Variants in DENND5B observed in about 807,000 individuals in gnomAD.
The protein encoded by DENND5B is DENN domain-containing protein 5B.
In DENND5B, 34 loss-of-function variants were observed where a neutral mutation model predicts 140.6. The ratio of observed to expected loss-of-function variants is 0.24; its 90% CI spans 0.18 to 0.32. The LOEUF (loss-of-function observed/expected upper bound fraction) is 0.32. DENND5B is among the 10% of genes least tolerant of loss of function. DENND5B has a pLI of 1.00. For missense variants in DENND5B, 1,142 were observed against 1,560.2 expected, an observed-to-expected ratio of 0.73 and a Z score of 4.52; for synonymous variants, 551 against 562.1, an observed-to-expected ratio of 0.98 and a Z score of 0.28.
chr12:31,446,634 C>A (rs1234013547), intron 6 of DENND5B, among the ~76,000 whole-genome samples: 1 of 152,122 alleles, frequency 6.6e-6, no homozygotes, highest in Non-Finnish European at 1.5e-5. Flanking sequence ...CAGTGGCTCA[C>A]GCCTGTAATC....
At chr12:31,477,114 G>C (rs1448037468) in intron 3 of DENND5B, among the ~76,000 whole-genome samples, 1 of 151,880 alleles carries the variant, frequency 6.6e-6, no homozygotes, top group Non-Finnish European at 1.5e-5. Context: ...CATAGTCCCA[G>C]CTACTCGGGA....
At chr12:31,460,403 G>C (rs975936832) in intron 3 of DENND5B, 22 bp from the exon 4 acceptor site, 66 of 1,597,200 alleles carry the variant, frequency 4.1e-5, no homozygotes, top group South Asian at 1.9e-4. Context: ...AAGGAAAAAG[G>C]AAAGGGAAGA....
intron 7 of DENND5B, 147 bp downstream of exon 7, chr12:31,442,628 C>T (rs1944087199): frequency 1.5e-6 from 1 of 667,584 alleles, no homozygotes; most frequent in Non-Finnish European, 2.2e-6. Flanking sequence ...ACAGAAGTGT[C>T]AATCCATATT....
intron 3 of DENND5B, among the ~76,000 whole-genome samples, chr12:31,467,156 A>C (rs1477899770): frequency 6.6e-6 from 1 of 152,118 alleles, no homozygotes; most frequent in Non-Finnish European, 1.5e-5. Flanking sequence ...GGAAAAAAAA[A>C]AAACTTTTAA....
intron 1 of DENND5B, 102 bp downstream of exon 1, chr12:31,590,604 G>C (rs1320397747): frequency 4.7e-6 from 6 of 1,284,166 alleles, no homozygotes. Flanking sequence ...GGCGCCACCG[G>C]GAGCTGACTT....
chr12:31,548,644 C>A (rs773506977), intron 1 of DENND5B, among the ~76,000 whole-genome samples: 1 of 152,154 alleles, frequency 6.6e-6, no homozygotes, highest in Non-Finnish European at 1.5e-5. Flanking sequence ...GAGAACCTGA[C>A]ATTTTCTCAA....
chr12:31,473,182 C>T (rs1166975591), intron 3 of DENND5B, among the ~76,000 whole-genome samples: 1 of 152,222 alleles, frequency 6.6e-6, no homozygotes, highest in African/African-American at 2.4e-5. Context: ...AAGTGATCCT[C>T]CTGCCTCAAC....
chr12:31,504,268 T>C (rs966748985), intron 1 of DENND5B, among the ~76,000 whole-genome samples: 1 of 152,204 alleles, frequency 6.6e-6, no homozygotes, highest in Admixed American at 6.5e-5. Flanking sequence ...TGGGCAGCTC[T>C]GGAAATACTG....
chr12:31,556,537 T>G (rs538830875), intron 1 of DENND5B, among the ~76,000 whole-genome samples: 13 of 152,310 alleles, frequency 8.5e-5, no homozygotes, highest in African/African-American at 2.6e-4. Flanking sequence ...GAGAACTTTA[T>G]GACATCTGGG....
At chr12:31,590,624 C>T in intron 1 of DENND5B, 82 bp downstream of exon 1, 1 of 1,360,798 alleles carries the variant, frequency 7.3e-7, no homozygotes, top group Non-Finnish European at 9.4e-7. Flanking sequence ...TTGTCTGGAG[C>T]CTGCACCCCG....
chr12:31,402,350 T>C, intron 15 of DENND5B, 148 bp downstream of exon 15: 2 of 989,690 alleles, frequency 2.0e-6, no homozygotes, highest in South Asian at 2.1e-5. Context: ...TTAAGACAAC[T>C]TTAGACATAT....
chr12:31,482,186 T>C (rs1006548551), intron 2 of DENND5B, among the ~76,000 whole-genome samples: 3 of 152,204 alleles, frequency 2.0e-5, no homozygotes, highest in African/African-American at 7.2e-5. Context: ...CATGTCATGA[T>C]TGTGCCACAT....
intron 8 of DENND5B, chr12:31,432,871 G>A (rs1047421773): frequency 1.2e-5 from 4 of 322,830 alleles, no homozygotes; most frequent in Non-Finnish European, 2.3e-5. Flanking sequence ...TTCTCCTATA[G>A]GAGACATAGT....
At chr12:31,408,577 A>G (rs1942263734) in intron 14 of DENND5B, among the ~76,000 whole-genome samples, 1 of 135,058 alleles carries the variant, frequency 7.4e-6, no homozygotes. Context: ...CGGTGAGCTG[A>G]GATCGTGCCA....
chr12:31,516,755 A>C (rs374503466), intron 1 of DENND5B, among the ~76,000 whole-genome samples: 1 of 152,068 alleles, frequency 6.6e-6, no homozygotes, highest in African/African-American at 2.4e-5. Context: ...ACTTTAATGC[A>C]ATTTATTTTC....
At chr12:31,507,538 G>C (rs1041383167) in intron 1 of DENND5B, among the ~76,000 whole-genome samples, 2 of 152,018 alleles carry the variant, frequency 1.3e-5, no homozygotes, top group African/African-American at 4.8e-5. Flanking sequence ...ATGAATTCAA[G>C]ATCTAGAGTT....
At chr12:31,488,278 A>G (rs1946389233) in intron 2 of DENND5B, among the ~76,000 whole-genome samples, 1 of 151,998 alleles carries the variant, frequency 6.6e-6, no homozygotes, top group Non-Finnish European at 1.5e-5. Flanking sequence ...CCTGGACTTC[A>G]GCTTGTAATT....
chr12:31,490,396 G>C (rs891295955), intron 2 of DENND5B, among the ~76,000 whole-genome samples: 1 of 152,102 alleles, frequency 6.6e-6, no homozygotes, highest in Non-Finnish European at 1.5e-5. Flanking sequence ...CAGATTGCTT[G>C]AGTCCAGGAG....
chr12:31,439,311 G>A (rs537575931), intron 7 of DENND5B, among the ~76,000 whole-genome samples: 28 of 152,224 alleles, frequency 1.8e-4, no homozygotes, highest in Non-Finnish European at 3.8e-4. Context: ...TAATGACTGA[G>A]GCTTCGTGTG....
Sources: allele counts gnomAD v4.1 joint callset (sites outside exome capture counted in the v4.1 genomes callset), GRCh38; gene constraint gnomAD v4.1.1; transcripts MANE v1.5; gene names NCBI Gene and HGNC (gene_info 2026-07-23, HGNC 2026-07-21).